The following TBC1D16 variants were observed in gnomAD, a reference collection of about 807,000 sequenced individuals.
The protein encoded by TBC1D16 is TBC1 domain family member 16, also known as CTD-2529O21.1.
Under a neutral mutation model 74.7 loss-of-function variants are expected in TBC1D16, and 58 were observed. The ratio of observed to expected loss-of-function variants is 0.78; its 90% CI spans 0.63 to 0.97. The LOEUF (loss-of-function observed/expected upper bound fraction) is 0.97, where lower values mean the gene tolerates loss of function less well. TBC1D16 is among the 50% of genes least tolerant of loss of function. TBC1D16 has a pLI of 0.00. For synonymous variants in TBC1D16, 493 were observed against 474.7 expected (o/e 1.04, Z -0.50); for missense variants, 1,014 against 1,079.5 (o/e 0.94, Z 0.85).
intron 3 of TBC1D16, among the ~76,000 whole-genome samples, chr17:79,976,632 C>A (rs555334406): frequency 6.6e-6 from 1 of 152,194 alleles, no homozygotes; most frequent in Non-Finnish European, 1.5e-5. Context: ...GCAAGACCCC[C>A]GCCGCTCCTG....
At chr17:79,960,778 C>CAAAAAAAAAAAAAAA (rs1433555447) in intron 3 of TBC1D16, among the ~76,000 whole-genome samples, 7 of 23,144 alleles carry the variant, frequency 3.0e-4, no homozygotes, top group African/African-American at 4.9e-4. Flanking sequence ...AAACAAAAAC[C>CAAAAAAAAAAAAAAA]CAAAAAAAAA....
At position 79,990,703 on chromosome 17, in the gene TBC1D16, T is replaced by G. The variant is rs968545431; in HGVS notation, c.779+19457A>C. Among the ~76,000 whole-genome samples the G allele has an allele frequency of 3.3e-5, 5 of 152,104 alleles. No individual in the cohort carries two copies. Among genetic ancestry groups the G allele is most frequent in the African/African-American group, 1.2e-4 (5 of 41,406 alleles). ...ATGACACCACCCATCTCCAGAACTC[T>G]CCTTCTTCCCAAACTGAAGCTTTGT... On this transcript the variant is annotated intron_variant, in intron 3 of 11. Transcript: ENST00000310924. This position sits in a 1 kb window ranked among gnomAD's most constrained non-coding sequence, Gnocchi z 4.8.
intron 3 of TBC1D16, among the ~76,000 whole-genome samples, chr17:79,955,572 G>A (rs1485973697): frequency 6.6e-6 from 1 of 152,184 alleles, no homozygotes; most frequent in African/African-American, 2.4e-5. Context: ...ATTCATATAT[G>A]CTGCAAATAA....
rs1468306370 is a variant in TBC1D16, at chr17:80,008,133, G to A, written c.779+2027C>T. Among the ~76,000 whole-genome samples, 5 of 152,094 alleles carry A rather than the reference G, an allele frequency of 3.3e-5. No individual in the cohort carries two copies. The highest frequency in any genetic ancestry group is 6.5e-5 in the Admixed American group (1 of 15,276). On this transcript the variant is annotated intron_variant, in intron 3 of 11. Coordinates refer to ENST00000310924, the MANE Select transcript of TBC1D16 (RefSeq NM_019020.4). This position sits in a 1 kb window ranked among gnomAD's most constrained non-coding sequence, Gnocchi z 4.5. The stretch of plus-strand genomic sequence containing the variant: ...AACCTGGAGGGACCTGGGCATCAGC[G>A]TCTAAAGGCTCCCCCAGGAACCCCC...
intron 3 of TBC1D16, among the ~76,000 whole-genome samples, chr17:80,006,956 C>T (rs1406841302): frequency 1.3e-5 from 2 of 152,162 alleles, no homozygotes; most frequent in African/African-American, 4.8e-5. Context: ...TCACAGTGCC[C>T]GGCCTCCATA....
chr17:80,029,240 G>C (rs113580344), intron 1 of TBC1D16, among the ~76,000 whole-genome samples: 2,599 of 152,242 alleles, frequency 0.017, 42 homozygotes, highest in Non-Finnish European at 0.027. Context: ...GGCTGGAGTA[G>C]GGGGAGCTGC....
chr17:79,984,704 C>CA (rs10528420), intron 3 of TBC1D16, among the ~76,000 whole-genome samples: 2,196 of 106,216 alleles, frequency 0.021, 55 homozygotes, highest in African/African-American at 0.053. Context: ...ACAGTAAAGG[C>CA]AAAAAAAAAA....
intron 3 of TBC1D16, among the ~76,000 whole-genome samples, chr17:80,006,241 T>G (rs777855130): frequency 1.8e-4 from 28 of 151,926 alleles, no homozygotes; most frequent in Non-Finnish European, 3.5e-4. Context: ...TCTCTCTCTC[T>G]CTCTCTCAGC....
intron 3 of TBC1D16, among the ~76,000 whole-genome samples, chr17:79,953,277 C>T (rs1006534648): frequency 1.3e-5 from 2 of 152,162 alleles, no homozygotes; most frequent in Admixed American, 6.5e-5. Context: ...GGGGCTTCCG[C>T]GTGGTTTAAA....
Position 79,950,684 on chromosome 17 carries a change from G to A in TBC1D16, c.1090-106C>T, listed in dbSNP as rs1300306169. 6.5e-7 allele frequency: 1 copy of A among 1,544,252 alleles called. No individual in the cohort carries two copies. Among genetic ancestry groups the A allele is most frequent in the East Asian group, 2.4e-5 (1 of 42,470 alleles). On this transcript the variant is annotated intron_variant, in intron 5 of 11. Transcript: ENST00000310924. The surrounding 1 kb of genome is among the most constrained non-coding windows in gnomAD (Gnocchi z 4.6). The stretch of plus-strand genomic sequence containing the variant: ...AAAGCCTCTCTCTCTTCTGAAAGGA[G>A]GGCAAGGGCCGTCCCCTGCATACAA...
Position 80,000,833 on chromosome 17 carries a change from T to C in TBC1D16, c.779+9327A>G, listed in dbSNP as rs991567199. Among the ~76,000 whole-genome samples, 3 of 152,200 alleles carry C rather than the reference T, an allele frequency of 2.0e-5. No individual in the cohort carries two copies. Among genetic ancestry groups the C allele is most frequent in the African/African-American group, 7.2e-5 (3 of 41,444 alleles). Reference sequence around the variant, plus strand: ...ACCCCCTGCGGGTCTTGAGTGGAGCTTGGATTCACAGCTGGGTCTCTGACC... The same window carrying C: ...ACCCCCTGCGGGTCTTGAGTGGAGCCTGGATTCACAGCTGGGTCTCTGACC... On this transcript the variant is annotated intron_variant, in intron 3 of 11. Coordinates refer to ENST00000310924, the MANE Select transcript of TBC1D16 (RefSeq NM_019020.4). The surrounding 1 kb of genome is among the most constrained non-coding windows in gnomAD (Gnocchi z 4.1).
Position 79,977,680 on chromosome 17 carries a change from G to C in TBC1D16, c.780-24862C>G, listed in dbSNP as rs144378485. On this transcript the variant is annotated intron_variant, in intron 3 of 11. Transcript: ENST00000310924. Reference sequence around the variant, plus strand: ...TTCTAAAATGCACAGTAAGCTAACTGTTCCCAGCAAAACTGAAGCACGTCT... The same window carrying C: ...TTCTAAAATGCACAGTAAGCTAACTCTTCCCAGCAAAACTGAAGCACGTCT... Among the ~76,000 whole-genome samples the C allele has an allele frequency of 4.2e-3, 642 of 152,378 alleles. 2 individuals are homozygous for C. Among genetic ancestry groups the C allele is most frequent in the Middle Eastern group, 0.01 (3 of 294 alleles).
intron 3 of TBC1D16, chr17:79,992,782 C>T (rs572034347): frequency 2.0e-5 from 3 of 152,564 alleles, no homozygotes; most frequent in Admixed American, 6.5e-5. Flanking sequence ...TCACATCACC[C>T]CAGCCCCAGC....
chr17:79,955,717 A>G (rs1598345303), intron 3 of TBC1D16, among the ~76,000 whole-genome samples: 2 of 152,358 alleles, frequency 1.3e-5, no homozygotes, highest in South Asian at 4.1e-4. Flanking sequence ...TAAGAAATGT[A>G]GCAGTTCTTC....
intron 3 of TBC1D16, among the ~76,000 whole-genome samples, chr17:79,955,625 G>T (rs1418413622): frequency 3.9e-5 from 6 of 152,212 alleles, no homozygotes; most frequent in Non-Finnish European, 7.3e-5. Flanking sequence ...GGAACTAAAA[G>T]GATGGGTTTT....
chr17:79,951,653 GTTTTATTT>G, intron 4 of TBC1D16, 56 bp from the exon 5 acceptor site: 1 of 1,580,650 alleles, frequency 6.3e-7, no homozygotes, highest in Non-Finnish European at 8.6e-7. Context: ...AAACACGGGG[GTTTTATTT>G]CCAAGTATAA....
chr17:79,951,861 A>C, intron 4 of TBC1D16: 1 of 365,846 alleles, frequency 2.7e-6, no homozygotes, highest in Non-Finnish European at 5.0e-6. Flanking sequence ...CCTTCTCCCC[A>C]CCACCCCCTG....
intron 1 of TBC1D16, among the ~76,000 whole-genome samples, chr17:80,034,545 C>G (rs1246073706): frequency 6.6e-6 from 1 of 152,168 alleles, no homozygotes; most frequent in Admixed American, 6.5e-5. Flanking sequence ...CATAGTCTCA[C>G]CATAAACATG....
intron 1 of TBC1D16, among the ~76,000 whole-genome samples, chr17:80,015,445 A>G (rs1374450194): frequency 1.3e-5 from 2 of 151,890 alleles, no homozygotes; most frequent in African/African-American, 4.8e-5. Flanking sequence ...AAAAAATAAA[A>G]TAAATAAAAA....
Sources: gnomAD v4.1 joint callset for allele counts (sites outside exome capture counted in the v4.1 genomes callset) on GRCh38, gnomAD v4.1.1 for gene constraint, Gnocchi (gnomAD v3.1) non-coding constraint, MANE v1.5 for transcripts, NCBI Gene and HGNC (gene_info 2026-07-23, HGNC 2026-07-21) for gene names.